FKRP: variants seen among roughly 807,000 people sequenced by gnomAD.
FKRP encodes fukutin related protein.
FKRP carries 25 observed loss-of-function variants against 30.6 expected under a neutral mutation model. The ratio of observed to expected loss-of-function variants is 0.82; its 90% confidence interval spans 0.60 to 1.14. The LOEUF is 1.14. FKRP is among the 50% of genes most tolerant of loss of function. The pLI, the probability that FKRP is intolerant of heterozygous loss-of-function variation, is 0.00. For missense variants in FKRP, 771 were observed against 727.8 expected (o/e 1.06, Z -0.68); for synonymous variants, 358 against 342.5 (o/e 1.05, Z -0.50).
Position 46,756,431 on chromosome 19 carries a change from C to T in FKRP, c.981C>T (p.Arg327=), listed in dbSNP as rs2122628775. Residue 327 remains arginine (R), a synonymous_variant, in exon 4 of 4, where the codon CGC becomes CGT. Coordinates refer to ENST00000318584, the MANE Select transcript of FKRP (RefSeq NM_024301.5). This position sits in a 1 kb window ranked among gnomAD's most constrained non-coding sequence, Gnocchi z 6.6. ...CCLRALRETA[R]YVVGVLEAAG... ...TGCGCGCGCTGCGCGAGACCGCCCG[C>T]TATGTGGTGGGCGTGCTGGAGGCTG... 6.3e-7 allele frequency: 1 copy of T among 1,584,600 alleles called. No homozygotes were observed. The highest frequency in any genetic ancestry group is 1.1e-5 in the South Asian group (1 of 87,538).
Position 46,756,146 on chromosome 19 carries a change from G to T in FKRP, c.696G>T (p.Ala232=), listed in dbSNP as rs398124394. The part of the protein sequence containing the change: ...LFLQTALRGW[A]VQLLDLTFAA... ...TGCAGACCGCCCTTCGCGGCTGGGC[G>T]GTGCAGCTGCTGGACTTGACCTTCG... is the stretch of plus-strand genomic sequence containing the variant. The change falls in exon 4 of 4, where the codon GCG becomes GCT. Residue 232 remains alanine (A), a synonymous_variant. Coordinates refer to ENST00000318584, the MANE Select transcript of FKRP (RefSeq NM_024301.5). This position sits in a 1 kb window ranked among gnomAD's most constrained non-coding sequence, Gnocchi z 6.6. 1 of 1,475,718 alleles carries T rather than the reference G, an allele frequency of 6.8e-7. No individual in the cohort carries two copies. Among genetic ancestry groups the T allele is most frequent in the South Asian group, 1.3e-5 (1 of 76,370 alleles). The allele number at this position is 1,475,718 out of a possible 1,614,324, so 91.4% of individuals were successfully genotyped here. A position where few individuals can be genotyped will look rare whatever the true frequency, so the allele number is the denominator to read the frequency against.
At chr19:46,747,831 G>C (rs1223905852) in intron 1 of FKRP, 196 bp from the exon 2 acceptor site, 2 of 152,206 alleles carry the variant, frequency 1.3e-5, no homozygotes, top group Non-Finnish European at 2.9e-5. Context: ...GATGGTTATA[G>C]GTTGCTATAA....
At position 46,756,200 on chromosome 19, in the gene FKRP, G is replaced by A. The variant is rs1390038437; in HGVS notation, c.750G>A (p.Thr250=). 1.7e-5 allele frequency: 24 copies of A among 1,430,724 alleles called. 1 individual carries two copies. The East Asian group carries it at 6.4e-4, about 38-fold the overall frequency. 88.6% of individuals were successfully genotyped at this position (1,430,724 alleles called of 1,614,324 possible). ...CGGCGCGCCAGCCCCCGCTGGCCAC[G>A]GCCCACGCGCGCTGGAAGGCTGAGC... is the stretch of plus-strand genomic sequence containing the variant. ...FAAARQPPLA[T]AHARWKAERE... Residue 250 remains threonine, a synonymous_variant, in exon 4 of 4, where the codon ACG becomes ACA. Coordinates refer to ENST00000318584, the MANE Select transcript of FKRP (RefSeq NM_024301.5). The surrounding 1 kb of genome is among the most constrained non-coding windows in gnomAD (Gnocchi z 6.6).
chr19:46,754,308 G>A (rs1240784669), intron 3 of FKRP: 1 of 151,790 alleles, frequency 6.6e-6, no homozygotes, highest in Non-Finnish European at 1.5e-5. Flanking sequence ...AAATTGCTGG[G>A]ATCACAGGTG....
In FKRP at chr19:46,756,591, G is replaced by C. The variant is rs1031408738; in HGVS notation, c.1141G>C (p.Ala381Pro). 1.2e-6 allele frequency: 2 copies of C among 1,610,672 alleles called. No homozygotes were observed. The highest frequency in any genetic ancestry group is 3.4e-5 in the Admixed American group (2 of 59,224). The change falls in exon 4 of 4, where the codon GCA becomes CCA. Residue 381 changes from alanine (A) to proline (P), a missense_variant. Ala to Pro is a conservative substitution (Grantham distance 27). Coordinates refer to ENST00000318584, the MANE Select transcript of FKRP (RefSeq NM_024301.5). This position sits in a 1 kb window ranked among gnomAD's most constrained non-coding sequence, Gnocchi z 6.6. ...GGGCAACTGCGAGCAGCTGCGGGGGGCAGAGGCCGGCTCGGTGGTGGATGA... is the reference window on the plus strand; with the variant it reads ...GGGCAACTGCGAGCAGCTGCGGGGGCCAGAGGCCGGCTCGGTGGTGGATGA... ...DVGNCEQLRGAEAGSVVDERG... is the reference protein window; with the variant it reads ...DVGNCEQLRGPEAGSVVDERG...
At chr19:46,748,251 C>T (rs1471826517) in intron 2 of FKRP, among the ~76,000 whole-genome samples, 163 bp downstream of exon 2, 2 of 152,100 alleles carry the variant, frequency 1.3e-5, no homozygotes, top group African/African-American at 2.4e-5. Flanking sequence ...GGTCATGGCT[C>T]ACTGCAACCT....
rs767763499 is a variant in FKRP, at chr19:46,756,040, A to G, written c.590A>G (p.Asp197Gly). Residue 197 changes from aspartate to glycine, a missense_variant, in exon 4 of 4, where the codon GAT (aspartate) becomes GGT (glycine). Asp to Gly is a moderately conservative substitution (Grantham distance 94). Transcript: ENST00000318584. The surrounding 1 kb of genome is among the most constrained non-coding windows in gnomAD (Gnocchi z 6.6). ...CCCCGCTGCGACGCCCTGGACGGAG[A>G]TGCTGTGGTGCTCCTGCGCGCCCGC... ...AAPRCDALDG[D>G]AVVLLRARDL... is the part of the protein sequence containing the mutation. 6.3e-7 allele frequency: 1 copy of G among 1,579,488 alleles called. No individual in the cohort carries two copies. Among genetic ancestry groups the G allele is most frequent in the Non-Finnish European group, 8.5e-7 (1 of 1,171,412 alleles).
chr19:46,750,218 AGGCGGTGAAGTCTGCATGGCTTTATCAG>A (rs987353324), intron 3 of FKRP, among the ~76,000 whole-genome samples: 1 of 152,166 alleles, frequency 6.6e-6, no homozygotes, highest in African/African-American at 2.4e-5. Flanking sequence ...TTGCCCTTAG[AGGCGGTGAAGTCTGCATGGCTTTATCAG>A]GGTACTAGAT....
Position 46,756,260 on chromosome 19 carries a change from C to A in FKRP, c.810C>A (p.Arg270=), listed in dbSNP as rs754829416. The A allele has an allele frequency of 6.7e-7, 1 of 1,491,992 alleles. No homozygotes were observed. Among genetic ancestry groups the A allele is most frequent in the Non-Finnish European group, 8.9e-7 (1 of 1,123,602 alleles). The allele number at this position is 1,491,992 out of a possible 1,614,324, so 92.4% of individuals were successfully genotyped here. Residue 270 remains arginine, a synonymous_variant, in exon 4 of 4, where the codon CGC becomes CGA. Coordinates refer to ENST00000318584, the MANE Select transcript of FKRP (RefSeq NM_024301.5). This position sits in a 1 kb window ranked among gnomAD's most constrained non-coding sequence, Gnocchi z 6.6. ...EGRARRAALL[R]ALGIRLVSWE... ...GCGCTCGGCGGGCGGCGCTGCTCCG[C>A]GCGCTGGGCATCCGCCTAGTGAGCT... is the stretch of plus-strand genomic sequence containing the variant.
At chr19:46,755,378 A>C in intron 3 of FKRP, 34 bp from the exon 4 acceptor site, 4 of 1,387,624 alleles carry the variant, frequency 2.9e-6, no homozygotes, top group Non-Finnish European at 3.9e-6. Context: ...TCTGACAATC[A>C]GCTGCTGCCT....
intron 3 of FKRP, among the ~76,000 whole-genome samples, chr19:46,754,639 C>G (rs951574656): frequency 2.0e-5 from 3 of 151,876 alleles, no homozygotes; most frequent in African/African-American, 4.9e-5. Flanking sequence ...CGGAGTCTCG[C>G]TGTGTTGCCC....
At chr19:46,751,956 G>C (rs2054803096) in intron 3 of FKRP, among the ~76,000 whole-genome samples, 1 of 152,134 alleles carries the variant, frequency 6.6e-6, no homozygotes, top group Admixed American at 6.6e-5. Context: ...CGGCGCAGTG[G>C]GGTGGATCGC....
Position 46,758,206 on chromosome 19 carries a change from A to T in FKRP, c.*1268A>T, listed in dbSNP as rs1673282841. The T allele has an allele frequency of 6.0e-6, 1 of 167,120 alleles. No homozygotes were observed. The highest frequency in any genetic ancestry group is 2.4e-5 in the African/African-American group (1 of 41,466). The allele number at this position is 167,120 out of a possible 1,614,324, so 10.4% of individuals were successfully genotyped here. ...TCACTTGCTCAAGGTCAGGCAGCTT[A>T]GGAAGGGGCAGATCGGGGGCTTGAA... On this transcript the variant is annotated 3_prime_UTR_variant, in exon 4 of 4. Transcript: ENST00000318584.
At chr19:46,750,141 A>T (rs1221452494) in intron 3 of FKRP, among the ~76,000 whole-genome samples, 1 of 152,196 alleles carries the variant, frequency 6.6e-6, no homozygotes, top group African/African-American at 2.4e-5. Flanking sequence ...CCCGATTCAG[A>T]AAAATGTAGA....
In FKRP at chr19:46,756,967, G is replaced by A. The variant is rs2054942904; in HGVS notation, c.*29G>A. 1 of 1,611,072 alleles carries A rather than the reference G, an allele frequency of 6.2e-7. No individual in the cohort carries two copies. Among genetic ancestry groups the A allele is most frequent in the East Asian group, 2.2e-5 (1 of 44,818 alleles). On this transcript the variant is annotated 3_prime_UTR_variant, in exon 4 of 4. Coordinates refer to ENST00000318584, the MANE Select transcript of FKRP (RefSeq NM_024301.5). This position sits in a 1 kb window ranked among gnomAD's most constrained non-coding sequence, Gnocchi z 6.6. ...CCTGATAACCTCGCCTTTGTTTTTCGGGGGTCTGTCTGGATGTGGAGAAGC... is the reference window on the plus strand; with the variant it reads ...CCTGATAACCTCGCCTTTGTTTTTCAGGGGTCTGTCTGGATGTGGAGAAGC...
Position 46,755,591 on chromosome 19 carries a change from C to T in FKRP, c.141C>T (p.Pro47=). 2 of 1,606,236 alleles carry T rather than the reference C, an allele frequency of 1.2e-6. No homozygotes were observed. The highest frequency in any genetic ancestry group is 2.2e-5 in the East Asian group (1 of 44,492). The change falls in exon 4 of 4, where the codon CCC becomes CCT. Residue 47 remains proline (P), a synonymous_variant. Coordinates refer to ENST00000318584, the MANE Select transcript of FKRP (RefSeq NM_024301.5). ...CCCGTCGTGCCTCTGCTGCCGGCCC[C>T]CGTGTCACCGTCCTGGTGCGGGAGT... ...RGPRRASAAG[P]RVTVLVREFE... is the part of the protein sequence containing the mutation.
Position 46,755,941 on chromosome 19 carries a change from A to G in FKRP, c.491A>G (p.Asn164Ser), listed in dbSNP as rs1008630400. 1.3e-6 allele frequency: 2 copies of G among 1,533,666 alleles called. No individual in the cohort carries two copies. The highest frequency in any genetic ancestry group is 1.7e-6 in the Non-Finnish European group (2 of 1,145,756). The stretch of plus-strand genomic sequence containing the variant: ...GTGGCCGCCCCGGTTGCCACGGCCA[A>G]CCCTGCCAGGTGCCTGGCCCTGAAC... ...RLVAAPVATA[N>S]PARCLALNVS... Residue 164 changes from asparagine (N) to serine (S), a missense_variant, in exon 4 of 4, where the codon AAC becomes AGC. Transcript: ENST00000318584.
At position 46,756,369 on chromosome 19, in the gene FKRP, T is replaced by A. The variant is rs104894692; in HGVS notation, c.919T>A (p.Tyr307Asn). ...AACCGTGGTGGGCGACACGCCCGCC[T>A]ACCTCTACGAGGAGCGCTGGACGCC... Reference protein sequence around the residue: ...FGTVVGDTPAYLYEERWTPPC... With the variant: ...FGTVVGDTPANLYEERWTPPC... The change falls in exon 4 of 4, where the codon TAC (tyrosine) becomes AAC (asparagine). Residue 307 changes from tyrosine to asparagine, a missense_variant. Physicochemically the swap from Tyr to Asn is moderately radical, Grantham distance 143 (BLOSUM62 -2). Transcript: ENST00000318584. The surrounding 1 kb of genome is among the most constrained non-coding windows in gnomAD (Gnocchi z 6.6). The A allele has an allele frequency of 5.8e-6, 9 of 1,562,032 alleles. No individual in the cohort carries two copies. The highest frequency in any genetic ancestry group is 7.8e-6 in the Non-Finnish European group (9 of 1,155,434).
At position 46,756,298 on chromosome 19, in the gene FKRP, G is replaced by C. The variant is rs747307601; in HGVS notation, c.848G>C (p.Arg283Pro). 5 of 1,537,822 alleles carry C rather than the reference G, an allele frequency of 3.3e-6. No homozygotes were observed. In the South Asian group the frequency reaches 3.6e-5, roughly 11 times the overall value. ...GIRLVSWEGG[R>P]LEWFGCNKET... ...CGCCTAGTGAGCTGGGAAGGCGGGC[G>C]GCTGGAGTGGTTCGGCTGCAACAAG... Residue 283 changes from arginine to proline, a missense_variant, in exon 4 of 4, where the codon CGG becomes CCG. Transcript: ENST00000318584. The surrounding 1 kb of genome is among the most constrained non-coding windows in gnomAD (Gnocchi z 6.6).
Sources: allele counts gnomAD v4.1 joint callset (sites outside exome capture counted in the v4.1 genomes callset), GRCh38; gene constraint gnomAD v4.1.1; non-coding constraint Gnocchi (gnomAD v3.1); transcripts MANE v1.5; gene names NCBI Gene and HGNC (gene_info 2026-07-23, HGNC 2026-07-21).